CTNNA2: variants seen among roughly 807,000 people sequenced by gnomAD.
The protein encoded by CTNNA2 is catenin alpha-2.
In CTNNA2, 42 loss-of-function variants were observed where a neutral mutation model predicts 101.0. That is an observed-to-expected ratio of 0.42 (90% CI 0.32 to 0.54). The LOEUF is 0.54. CTNNA2 is among the 20% of genes least tolerant of loss of function. The probability of loss-of-function intolerance (pLI) is 0.14; values close to 1 mark genes in which losing one functional copy is unlikely to be tolerated. For synonymous variants in CTNNA2, 450 were observed against 456.4 expected (o/e 0.99, Z 0.18); for missense variants, 871 against 1,223.1 (o/e 0.71, Z 4.29).
intron 2 of CTNNA2, among the ~76,000 whole-genome samples, chr2:79,298,129 T>C (rs918418776): frequency 6.6e-6 from 1 of 152,202 alleles, no homozygotes; most frequent in Non-Finnish European, 1.5e-5. Context: ...CTCACAGTTC[T>C]GTAGGCTTCA....
intron 4 of CTNNA2, among the ~76,000 whole-genome samples, chr2:79,471,414 C>T (rs1573181869): frequency 6.6e-6 from 1 of 152,156 alleles, no homozygotes; most frequent in African/African-American, 2.4e-5. Flanking sequence ...AAGCCAACTT[C>T]TCCTTATATC....
intron 7 of CTNNA2, among the ~76,000 whole-genome samples, chr2:80,090,124 G>T (rs748493471): frequency 4.6e-5 from 7 of 150,800 alleles, no homozygotes; most frequent in Admixed American, 1.3e-4. Flanking sequence ...GAGAAAGAAA[G>T]GAAGTTTCAC....
At chr2:79,510,017 C>T (rs140453917), upstream of CTNNA2, among the ~76,000 whole-genome samples, 2 of 152,264 alleles carry the variant, frequency 1.3e-5, no homozygotes, top group East Asian at 1.9e-4. Context: ...AGAGACCTGA[C>T]ATTTAAATGA....
At chr2:79,899,012 G>C (rs892229364) in intron 6 of CTNNA2, among the ~76,000 whole-genome samples, 3 of 152,146 alleles carry the variant, frequency 2.0e-5, no homozygotes, top group Non-Finnish European at 4.4e-5. Flanking sequence ...AGTATGAATA[G>C]AACCACAGTA....
intron 7 of CTNNA2, among the ~76,000 whole-genome samples, chr2:80,170,572 A>G (rs1573290082): frequency 6.6e-6 from 1 of 152,138 alleles, no homozygotes; most frequent in East Asian, 1.9e-4. Context: ...TAGTGTTTCA[A>G]AAACAGGACT....
intron 1 of CTNNA2, among the ~76,000 whole-genome samples, chr2:79,538,796 C>G (rs114229854): frequency 6.6e-6 from 1 of 152,072 alleles, no homozygotes; most frequent in African/African-American, 2.4e-5. Flanking sequence ...TATTTCTATT[C>G]CAGGGGCAAG....
intron 3 of CTNNA2, among the ~76,000 whole-genome samples, chr2:79,786,035 G>A (rs975053): frequency 1.7e-4 from 26 of 152,122 alleles, no homozygotes; most frequent in African/African-American, 5.5e-4. Flanking sequence ...GTTAAGGGTG[G>A]TCTTGCATAT....
At chr2:79,892,380 T>C (rs2104216210) in intron 6 of CTNNA2, among the ~76,000 whole-genome samples, 1 of 152,216 alleles carries the variant, frequency 6.6e-6, no homozygotes, top group South Asian at 2.1e-4. Context: ...ACCAAAGTTA[T>C]ACTAATTCAT....
chr2:80,265,166 G>A (rs182671480), intron 7 of CTNNA2, among the ~76,000 whole-genome samples: 1 of 151,916 alleles, frequency 6.6e-6, no homozygotes, highest in African/African-American at 2.4e-5. Flanking sequence ...GTAGAGACAG[G>A]GTTTCACCAT....
chr2:79,968,037 T>C (rs754543540), intron 7 of CTNNA2, among the ~76,000 whole-genome samples: 2 of 152,166 alleles, frequency 1.3e-5, no homozygotes, highest in Non-Finnish European at 2.9e-5. Context: ...TTGGTGGTTA[T>C]CATGGGCTGA....
chr2:80,056,258 G>A (rs1365578324), intron 7 of CTNNA2, among the ~76,000 whole-genome samples: 1 of 152,214 alleles, frequency 6.6e-6, no homozygotes, highest in East Asian at 1.9e-4. Flanking sequence ...TGTAGACATT[G>A]CATGCATCCC....
At chr2:80,553,114 C>T (rs1692724849) in intron 11 of CTNNA2, among the ~76,000 whole-genome samples, 1 of 150,100 alleles carries the variant, frequency 6.7e-6, no homozygotes, top group Non-Finnish European at 1.5e-5. Context: ...ATCCCATCTA[C>T]TTGGGAGGCT....
intron 3 of CTNNA2, among the ~76,000 whole-genome samples, chr2:79,332,910 G>T (rs1676908135): frequency 1.3e-5 from 2 of 151,920 alleles, no homozygotes; most frequent in African/African-American, 2.4e-5. Context: ...GGTGTGCAGG[G>T]TATTTCTCTT....
chr2:80,600,140 A>C (rs1416980211), intron 15 of CTNNA2, among the ~76,000 whole-genome samples: 12 of 152,126 alleles, frequency 7.9e-5, no homozygotes, highest in Non-Finnish European at 1.6e-4. Flanking sequence ...TGTATTGTCC[A>C]GGGACAATTG....
intron 14 of CTNNA2, among the ~76,000 whole-genome samples, chr2:80,587,960 G>C (rs1696121129): frequency 6.6e-6 from 1 of 152,132 alleles, no homozygotes; most frequent in Non-Finnish European, 1.5e-5. Flanking sequence ...ACTCCTGATA[G>C]TTATGTTCTA....
At chr2:80,494,381 C>A (rs965106006) in intron 9 of CTNNA2, among the ~76,000 whole-genome samples, 2 of 152,160 alleles carry the variant, frequency 1.3e-5, no homozygotes, top group African/African-American at 4.8e-5. Flanking sequence ...GAATGGGAAA[C>A]AGATTCCAAA....
At chr2:80,224,935 C>T (rs1408411969) in intron 7 of CTNNA2, among the ~76,000 whole-genome samples, 2 of 152,180 alleles carry the variant, frequency 1.3e-5, no homozygotes, top group Admixed American at 6.5e-5. Context: ...CCACCTAACC[C>T]CCCTGCCCAG....
intron 9 of CTNNA2, among the ~76,000 whole-genome samples, chr2:80,502,431 A>G (rs1253770764): frequency 2.0e-5 from 3 of 152,228 alleles, no homozygotes; most frequent in Non-Finnish European, 4.4e-5. Flanking sequence ...CCTGCCCACA[A>G]TGCAGGCCCT....
chr2:79,332,804 A>G lies in CTNNA2; in HGVS notation c.-318+20008A>G, dbSNP rs534122848. 2.0e-5 allele frequency among the ~76,000 whole-genome samples: 3 copies of G among 152,296 alleles called. No individual in the cohort carries two copies. The South Asian group carries it at 6.2e-4, about 32-fold the overall frequency. On this transcript the variant is annotated intron_variant, in intron 3 of 21. Coordinates refer to the CTNNA2 transcript ENST00000466387. ...ATGTACATTTCCTTCGGAATAGTAT[A>G]GATCCTGGACTGTGGGGAGAAACAG... is the stretch of plus-strand genomic sequence containing the variant.
Sources: allele counts gnomAD v4.1 joint callset (sites outside exome capture counted in the v4.1 genomes callset), GRCh38; gene constraint gnomAD v4.1.1; transcripts MANE v1.5; gene names NCBI Gene and HGNC (gene_info 2026-07-23, HGNC 2026-07-21).